ASTN1: variants seen among roughly 807,000 people sequenced by gnomAD.
ASTN1 encodes the protein astrotactin 1, also known as astrotactin-1.
In ASTN1, 41 loss-of-function variants were observed where a neutral mutation model predicts 140.7. That is an observed-to-expected ratio of 0.29 (90% CI 0.23 to 0.38). The LOEUF (loss-of-function observed/expected upper bound fraction) is 0.38, where lower values mean the gene tolerates loss of function less well. Ranked by LOEUF, ASTN1 falls within the 10% of genes least tolerant of loss-of-function variation. The probability of loss-of-function intolerance (pLI) is 1.00; values close to 1 mark genes in which losing one functional copy is unlikely to be tolerated. For missense variants in ASTN1, 1,479 were observed against 1,678.8 expected, an observed-to-expected ratio of 0.88 and a Z score of 2.08; for synonymous variants, 640 against 652.2, an observed-to-expected ratio of 0.98 and a Z score of 0.29.
intron 7 of ASTN1, among the ~76,000 whole-genome samples, chr1:177,017,314 G>A (rs7532760): frequency 0.55 from 83,932 of 151,930 alleles, 23,694 homozygotes; most frequent in Non-Finnish European, 0.58. Context: ...ATCATGCTAG[G>A]TTTTGGGGAT....
chr1:177,163,576 G>C (rs1647515759), intron 1 of ASTN1, among the ~76,000 whole-genome samples: 3 of 152,164 alleles, frequency 2.0e-5, no homozygotes, highest in Admixed American at 2.0e-4. Context: ...GTACCAAAAA[G>C]AGAGAGATGT....
chr1:177,019,856 T>C (rs1675732885), intron 7 of ASTN1, among the ~76,000 whole-genome samples: 1 of 152,206 alleles, frequency 6.6e-6, no homozygotes, highest in Non-Finnish European at 1.5e-5. Flanking sequence ...CAATGCTTTT[T>C]CTTTCTATTT....
chr1:177,023,616 C>A, intron 6 of ASTN1, 45 bp from the exon 7 acceptor site: 1 of 1,492,974 alleles, frequency 6.7e-7, no homozygotes, highest in Non-Finnish European at 8.9e-7. Context: ...TGCAACACAG[C>A]ACACGTCCAC....
At chr1:177,075,140 C>G (rs1234868245) in intron 1 of ASTN1, among the ~76,000 whole-genome samples, 1 of 152,096 alleles carries the variant, frequency 6.6e-6, no homozygotes, top group African/African-American at 2.4e-5. Flanking sequence ...ATGGCGTGAT[C>G]TTGGCTCACT....
intron 1 of ASTN1, among the ~76,000 whole-genome samples, chr1:177,141,332 GGGGGCTT>G (rs1682461280): frequency 6.6e-6 from 1 of 152,122 alleles, no homozygotes; most frequent in African/African-American, 2.4e-5. Context: ...AATGAATGAT[GGGGGCTT>G]GGGGAACTTC....
chr1:176,876,920 A>AGACCAGCAG (rs1034920031), intron 20 of ASTN1, among the ~76,000 whole-genome samples: 1 of 152,174 alleles, frequency 6.6e-6, no homozygotes, highest in Non-Finnish European at 1.5e-5. Context: ...TCGGGCCCCC[A>AGACCAGCAG]GACCAGCAGG....
Position 177,014,868 on chromosome 1 carries a change from G to A in ASTN1, c.1446C>T (p.Cys482=). The change falls in exon 8 of 23, where the codon TGC becomes TGT. Residue 482 remains cysteine, a synonymous_variant. Coordinates refer to ENST00000361833, the MANE Select transcript of ASTN1 (RefSeq NM_004319.3). The part of the protein sequence containing the change: ...EHQCDPETGE[C]LCYEGYMKDP... ...CCTTCATGTAGCCTTCATAGCAGAG[G>A]CATTCCCCTTAGAAGCAGGGTAAGG... 1 of 1,613,070 alleles carries A rather than the reference G, an allele frequency of 6.2e-7. No individual in the cohort carries two copies. The highest frequency in any genetic ancestry group is 1.3e-5 in the African/African-American group (1 of 75,014).
chr1:177,065,125 C>G (rs114379187), intron 1 of ASTN1, among the ~76,000 whole-genome samples: 317 of 152,292 alleles, frequency 2.1e-3, no homozygotes, highest in African/African-American at 7.4e-3. Context: ...CAGATAGAAC[C>G]TTTTTCACAG....
intron 8 of ASTN1, among the ~76,000 whole-genome samples, chr1:176,987,672 T>A (rs1212592704): frequency 6.6e-6 from 1 of 152,230 alleles, no homozygotes. Context: ...CATGGTAACT[T>A]TCCTATCAGG....
At position 176,862,736 on chromosome 1, in the gene ASTN1, G is replaced by C; in HGVS notation, c.*1548C>G. 1 of 930,662 alleles carries C rather than the reference G, an allele frequency of 1.1e-6. No individual in the cohort carries two copies. The highest frequency in any genetic ancestry group is 1.3e-6 in the Non-Finnish European group (1 of 780,242). The allele number at this position is 930,662 out of a possible 1,614,324, so 57.7% of individuals were successfully genotyped here. A position where few individuals can be genotyped will look rare whatever the true frequency, so the allele number is the denominator to read the frequency against. ...GGAGACAAGAATAGCACTTTCCTCA[G>C]GAGTTGCTGTGAGAATTCAATGATA... On this transcript the variant is annotated 3_prime_UTR_variant, in exon 23 of 23. Coordinates refer to ENST00000361833, the MANE Select transcript of ASTN1 (RefSeq NM_004319.3).
chr1:176,882,062 TG>T (rs1201337111), intron 20 of ASTN1, among the ~76,000 whole-genome samples: 1 of 152,212 alleles, frequency 6.6e-6, no homozygotes, highest in Non-Finnish European at 1.5e-5. Context: ...TCTCCTTTTC[TG>T]GCATCTTTTA....
intron 5 of ASTN1, among the ~76,000 whole-genome samples, chr1:177,027,201 C>T (rs1485391848): frequency 6.6e-6 from 1 of 152,112 alleles, no homozygotes; most frequent in East Asian, 1.9e-4. Flanking sequence ...AACAACATCT[C>T]CCTGTAAACA....
intron 16 of ASTN1, among the ~76,000 whole-genome samples, chr1:176,933,106 T>C (rs982779817): frequency 7.2e-5 from 11 of 152,214 alleles, no homozygotes; most frequent in African/African-American, 2.7e-4. Flanking sequence ...CTGCAGCCAC[T>C]GTAGCCCAGA....
At chr1:176,944,783 C>G (rs957064307) in intron 13 of ASTN1, among the ~76,000 whole-genome samples, 2 of 152,216 alleles carry the variant, frequency 1.3e-5, no homozygotes, top group African/African-American at 4.8e-5. Context: ...AAGATCTAGG[C>G]AGAGGCAGTC....
intron 1 of ASTN1, among the ~76,000 whole-genome samples, chr1:177,100,700 G>A (rs909518085): frequency 6.6e-6 from 1 of 152,104 alleles, no homozygotes; most frequent in Non-Finnish European, 1.5e-5. Flanking sequence ...TACAGCGCAG[G>A]GAAGATGACT....
chr1:177,009,112 A>C (rs1675155633), intron 8 of ASTN1, among the ~76,000 whole-genome samples: 1 of 152,226 alleles, frequency 6.6e-6, no homozygotes, highest in Non-Finnish European at 1.5e-5. Context: ...CTGGGCTTGG[A>C]ATCACAGCTA....
chr1:177,138,662 A>T (rs973225462), intron 1 of ASTN1, among the ~76,000 whole-genome samples: 18 of 152,086 alleles, frequency 1.2e-4, no homozygotes, highest in African/African-American at 4.1e-4. Context: ...GATTTAGAAG[A>T]GGTTTTGTGA....
intron 2 of ASTN1, among the ~76,000 whole-genome samples, chr1:177,038,572 A>G (rs1402923372): frequency 4.6e-5 from 7 of 152,200 alleles, no homozygotes; most frequent in Non-Finnish European, 8.8e-5. Flanking sequence ...TCAACTTTCA[A>G]TATATTTCAA....
At position 177,011,841 on chromosome 1, in the gene ASTN1, A is replaced by G. The variant is rs749284397; in HGVS notation, c.1523+2950T>C. On this transcript the variant is annotated intron_variant, in intron 8 of 22. Transcript: ENST00000361833. ...CTCCTCCACCTCAAAAAAAAAATCA[A>G]TTTGTAACTTCTTATATTAGTGTCC... is the stretch of plus-strand genomic sequence containing the variant. Among the ~76,000 whole-genome samples, 44 of 152,222 alleles carry G rather than the reference A, an allele frequency of 2.9e-4. No homozygotes were observed. The Middle Eastern group carries it at 0.014, about 47-fold the overall frequency.
Sources: allele counts gnomAD v4.1 joint callset (sites outside exome capture counted in the v4.1 genomes callset), GRCh38; gene constraint gnomAD v4.1.1; transcripts MANE v1.5; gene names NCBI Gene and HGNC (gene_info 2026-07-23, HGNC 2026-07-21).